Variants in MYOM1 observed in about 807,000 individuals in gnomAD.
MYOM1 encodes the protein myomesin 1.
Under a neutral mutation model 205.3 loss-of-function variants are expected in MYOM1, and 164 were observed. The observed-to-expected ratio is 0.80, with a 90% CI of 0.70 to 0.91. The LOEUF (loss-of-function observed/expected upper bound fraction) is 0.91, where lower values mean the gene tolerates loss of function less well. MYOM1 is among the 40% of genes least tolerant of loss of function. The probability of loss-of-function intolerance (pLI) is 0.00; values close to 1 mark genes in which losing one functional copy is unlikely to be tolerated. For missense variants in MYOM1, 2,011 were observed against 2,127.3 expected (o/e 0.95, Z 1.08); for synonymous variants, 772 against 789.4 (o/e 0.98, Z 0.37).
chr18:3,218,547 T>C (rs1419710579), intron 1 of MYOM1, among the ~76,000 whole-genome samples: 1 of 152,180 alleles, frequency 6.6e-6, no homozygotes, highest in Non-Finnish European at 1.5e-5. Flanking sequence ...ATGGCTATTT[T>C]CTGTTACAAA....
At position 3,193,303 on chromosome 18, in the gene MYOM1, CAT is replaced by C. The variant is rs1190578026; in HGVS notation, c.431+513_431+514del. 3.5e-5 allele frequency among the ~76,000 whole-genome samples: 5 copies of C among 144,676 alleles called. No homozygotes were observed. In the East Asian group the frequency reaches 5.9e-4, roughly 17 times the overall value. 94.9% of individuals were successfully genotyped at this position (144,676 alleles called of 152,430 possible). On this transcript the variant is annotated intron_variant, in intron 3 of 37. Transcript: ENST00000356443. ...ACATAAATATATATACATATACATA[CAT>C]ATATATATGTATATGTACATATACA...
At chr18:3,208,168 G>T (rs1177071640) in intron 2 of MYOM1, among the ~76,000 whole-genome samples, 1 of 152,184 alleles carries the variant, frequency 6.6e-6, no homozygotes, top group South Asian at 2.1e-4. Flanking sequence ...CTGATACATA[G>T]AAAGGACCAT....
Position 3,116,326 on chromosome 18 carries a change from CT to C in MYOM1, c.3303+4del, listed in dbSNP as rs745861417. On this transcript the variant is annotated splice_donor_region_variant and intron_variant, in intron 21 of 37. Transcript: ENST00000356443. ...AGGAAGCTCTAGAACTGAGCAGCCT[CT>C]TACCTTCAGGTATACGTTTTTAATA... The C allele has an allele frequency of 7.8e-5, 126 of 1,610,150 alleles. No individual in the cohort carries two copies. Among genetic ancestry groups the C allele is most frequent in the Non-Finnish European group, 9.8e-5 (116 of 1,179,104 alleles).
rs946016327 is a variant in MYOM1, at chr18:3,136,921, T to A, written c.2026-1191A>T. 4.6e-5 allele frequency among the ~76,000 whole-genome samples: 7 copies of A among 152,010 alleles called. No individual in the cohort carries two copies. In the East Asian group the frequency reaches 1.3e-3, roughly 29 times the overall value. On this transcript the variant is annotated intron_variant, in intron 14 of 37. Transcript: ENST00000356443. ...AGAATTCCATCTGGCAAATAGTACATAATCAACTACAGTATTTTTTTTCTT... is the reference window on the plus strand; with the variant it reads ...AGAATTCCATCTGGCAAATAGTACAAAATCAACTACAGTATTTTTTTTCTT...
At chr18:3,232,064 T>C in the MYOM1 span, among the ~76,000 whole-genome samples, 1 of 151,954 alleles carries the variant, frequency 6.6e-6, no homozygotes, top group Non-Finnish European at 1.5e-5. Context: ...GAGCAGCGAC[T>C]CACACCTGTA....
chr18:3,077,584 T>C (rs2079034021), intron 34 of MYOM1, among the ~76,000 whole-genome samples: 1 of 152,162 alleles, frequency 6.6e-6, no homozygotes, highest in South Asian at 2.1e-4. Flanking sequence ...GAGGTGGGAA[T>C]GGCCGAGCCA....
At chr18:3,108,517 C>T (rs111611420) in intron 22 of MYOM1, among the ~76,000 whole-genome samples, 2,030 of 152,002 alleles carry the variant, frequency 0.013, 29 homozygotes, top group Non-Finnish European at 0.022. Context: ...AAAACCAAAG[C>T]CCATATATTA....
At chr18:3,140,368 T>C (rs1002092227) in intron 14 of MYOM1, among the ~76,000 whole-genome samples, 5 of 151,620 alleles carry the variant, frequency 3.3e-5, no homozygotes, top group African/African-American at 7.3e-5. Flanking sequence ...GATTGTGCCA[T>C]TGCACTCCAG....
Position 3,086,028 on chromosome 18 carries a change from A to G in MYOM1, c.4251+10T>C. 6.5e-7 allele frequency: 1 copy of G among 1,529,898 alleles called. No homozygotes were observed. The highest frequency in any genetic ancestry group is 1.1e-5 in the South Asian group (1 of 89,066). 94.8% of individuals were successfully genotyped at this position (1,529,898 alleles called of 1,614,324 possible). On this transcript the variant is annotated intron_variant, in intron 30 of 37. Transcript: ENST00000356443. The stretch of plus-strand genomic sequence containing the variant: ...CTAATATATTACATTTTACATTTAT[A>G]ATCGCCTACCTCTGTTATAAGCAGG...
chr18:3,117,559 T>A (rs571347318), intron 20 of MYOM1, among the ~76,000 whole-genome samples: 44 of 152,364 alleles, frequency 2.9e-4, no homozygotes, highest in Non-Finnish European at 5.6e-4. Context: ...GTATGAATGC[T>A]ATTCACATTC....
chr18:3,071,371 T>C (rs2078957177), intron 37 of MYOM1, among the ~76,000 whole-genome samples: 1 of 150,256 alleles, frequency 6.7e-6, no homozygotes, highest in Admixed American at 6.6e-5. Context: ...CCGACTGATT[T>C]TTTTTGAGAT....
At chr18:3,140,723 C>T (rs903488509) in intron 14 of MYOM1, among the ~76,000 whole-genome samples, 2 of 152,016 alleles carry the variant, frequency 1.3e-5, no homozygotes, top group East Asian at 3.9e-4. Context: ...ATAGGTGTTA[C>T]AAAATTGAAT....
chr18:3,195,887 T>G (rs1203101288), intron 2 of MYOM1, among the ~76,000 whole-genome samples: 1 of 152,170 alleles, frequency 6.6e-6, no homozygotes, highest in African/African-American at 2.4e-5. Context: ...AAGAGCTGAT[T>G]TTTAATAGTT....
chr18:3,119,970 A>ACCTT lies in MYOM1; in HGVS notation c.3016_3017insAAGG (p.Val1006GlufsTer28), dbSNP rs761308890. The ACCTT allele has an allele frequency of 6.2e-7, 1 of 1,605,530 alleles. No homozygotes were observed. Among genetic ancestry groups the ACCTT allele is most frequent in the Admixed American group, 1.7e-5 (1 of 58,450 alleles). ...CATGGCTGCCACTTGGAACTGATACACCATGTTTTCCTTCAAGTTGCTAAT... is the reference window on the plus strand; with the variant it reads ...CATGGCTGCCACTTGGAACTGATACACCTTCCATGTTTTCCTTCAAGTTGCTAAT... On this transcript the variant is annotated frameshift_variant, in exon 20 of 38. Coordinates refer to ENST00000356443, the MANE Select transcript of MYOM1 (RefSeq NM_003803.4). LOFTEE classifies it high-confidence loss of function.
At chr18:3,241,403 C>T in the MYOM1 span, among the ~76,000 whole-genome samples, 27 of 152,186 alleles carry the variant, frequency 1.8e-4, no homozygotes, top group Non-Finnish European at 3.4e-4. Context: ...CAGCTCGGGC[C>T]GTGGCCTCAA....
intron 2 of MYOM1, among the ~76,000 whole-genome samples, chr18:3,196,292 T>C (rs1171683525): frequency 6.6e-6 from 1 of 152,228 alleles, no homozygotes; most frequent in Non-Finnish European, 1.5e-5. Flanking sequence ...TCTTACTCTA[T>C]CAAATTTTAA....
At position 3,202,489 on chromosome 18, in the gene MYOM1, A is replaced by AT. The variant is rs911669722; in HGVS notation, c.291-8532_291-8531insA. Among the ~76,000 whole-genome samples the AT allele has an allele frequency of 2.6e-5, 4 of 152,310 alleles. No individual in the cohort carries two copies. The South Asian group carries it at 8.3e-4, about 32-fold the overall frequency. Reference sequence around the variant, plus strand: ...CACATTTGTTAGTAAAAGGATAAAAAATATATACCATGCAAATGGTAAGCT... The same window carrying AT: ...CACATTTGTTAGTAAAAGGATAAAAATATATATACCATGCAAATGGTAAGCT... On this transcript the variant is annotated intron_variant, in intron 2 of 37. Coordinates refer to ENST00000356443, the MANE Select transcript of MYOM1 (RefSeq NM_003803.4).
chr18:3,197,669 C>T lies in MYOM1; in HGVS notation c.291-3711G>A, dbSNP rs553973073. The stretch of plus-strand genomic sequence containing the variant: ...CGGGCGGATCACGAGGTCAGGAGAT[C>T]GAGACCATCCTAGCTAACATGGTGA... On this transcript the variant is annotated intron_variant, in intron 2 of 37. Coordinates refer to ENST00000356443, the MANE Select transcript of MYOM1 (RefSeq NM_003803.4). Among the ~76,000 whole-genome samples the T allele has an allele frequency of 1.9e-3, 283 of 151,812 alleles. 2 individuals are homozygous for T. The highest frequency in any genetic ancestry group is 3.7e-3 in the African/African-American group (153 of 41,406).
the MYOM1 span, among the ~76,000 whole-genome samples, chr18:3,241,408 C>A: frequency 6.6e-6 from 1 of 152,188 alleles, no homozygotes; most frequent in Non-Finnish European, 1.5e-5. Context: ...CGGGCCGTGG[C>A]CTCAAAGGGT....
Sources: gnomAD v4.1 joint callset for allele counts (sites outside exome capture counted in the v4.1 genomes callset) on GRCh38, gnomAD v4.1.1 for gene constraint, MANE v1.5 for transcripts, NCBI Gene and HGNC (gene_info 2026-07-23, HGNC 2026-07-21) for gene names.